NKAIN2: variants seen among roughly 807,000 people sequenced by gnomAD.
The protein encoded by NKAIN2 is sodium/potassium-transporting ATPase subunit beta-1-interacting protein 2.
A neutral mutation model predicts 32.6 loss-of-function variants in NKAIN2; 14 were observed. The ratio of observed to expected loss-of-function variants is 0.43; its 90% CI spans 0.28 to 0.67. The LOEUF (loss-of-function observed/expected upper bound fraction) is 0.67. Ranked by LOEUF, NKAIN2 falls within the 30% of genes least tolerant of loss-of-function variation. NKAIN2 has a pLI of 0.17. For missense variants in NKAIN2, 198 were observed against 258.3 expected, an observed-to-expected ratio of 0.77 and a Z score of 1.60; for synonymous variants, 80 against 87.2, an observed-to-expected ratio of 0.92 and a Z score of 0.46.
intron 1 of NKAIN2, among the ~76,000 whole-genome samples, chr6:124,081,714 A>G (rs896725881): frequency 1.3e-5 from 2 of 152,096 alleles, no homozygotes; most frequent in Non-Finnish European, 2.9e-5. Context: ...TTGGGAATCA[A>G]AATTCTGACT....
chr6:124,267,165 T>C (rs192007833), intron 1 of NKAIN2, among the ~76,000 whole-genome samples: 66 of 151,754 alleles, frequency 4.3e-4, no homozygotes, highest in African/African-American at 1.5e-3. Context: ...TAGAACCTGT[T>C]ACTCCTGCTG....
intron 4 of NKAIN2, among the ~76,000 whole-genome samples, chr6:124,727,752 C>T (rs1338459120): frequency 3.8e-5 from 5 of 133,232 alleles, no homozygotes; most frequent in Admixed American, 8.0e-5. Context: ...AATTAAAAGA[C>T]ACAGACTGGC....
chr6:124,137,723 A>G (rs1296496092), intron 1 of NKAIN2, among the ~76,000 whole-genome samples: 1 of 152,096 alleles, frequency 6.6e-6, no homozygotes, highest in Non-Finnish European at 1.5e-5. Flanking sequence ...TTTAAAGACA[A>G]CTGATCTTTG....
At chr6:124,263,461 G>C (rs150143655) in intron 1 of NKAIN2, among the ~76,000 whole-genome samples, 1 of 152,046 alleles carries the variant, frequency 6.6e-6, no homozygotes, top group African/African-American at 2.4e-5. Flanking sequence ...CTTGCTCTGC[G>C]GACACAAGCT....
chr6:124,113,788 C>A (rs1785491689), intron 1 of NKAIN2, among the ~76,000 whole-genome samples: 1 of 152,184 alleles, frequency 6.6e-6, no homozygotes, highest in African/African-American at 2.4e-5. Flanking sequence ...TCTCTGTCAG[C>A]TTCAGTGAGT....
chr6:124,691,503 G>C (rs1355762295), intron 4 of NKAIN2, among the ~76,000 whole-genome samples: 1 of 152,084 alleles, frequency 6.6e-6, no homozygotes. Context: ...GAGAATTCAG[G>C]CAAACTAAGG....
chr6:124,687,735 A>G (rs1397240980), intron 4 of NKAIN2, among the ~76,000 whole-genome samples: 2 of 51,044 alleles, frequency 3.9e-5, no homozygotes, highest in African/African-American at 1.4e-4. Context: ...ATAAATATAT[A>G]TGATATATAC....
rs991225120 is a variant in NKAIN2, at chr6:123,877,659, T to C, written c.54+73405T>C. Among the ~76,000 whole-genome samples the C allele has an allele frequency of 1.2e-4, 19 of 152,350 alleles. No homozygotes were observed. The South Asian group carries it at 3.1e-3, about 25-fold the overall frequency. On this transcript the variant is annotated intron_variant, in intron 1 of 6. Coordinates refer to ENST00000368417, the MANE Select transcript of NKAIN2 (RefSeq NM_001040214.3). ...TTTGTATGCTTTTATCTTTCAAGTCTGCCTCCTCCTGTTCCTGCCCCTGTT... is the reference window on the plus strand; with the variant it reads ...TTTGTATGCTTTTATCTTTCAAGTCCGCCTCCTCCTGTTCCTGCCCCTGTT...
intron 2 of NKAIN2, among the ~76,000 whole-genome samples, chr6:124,317,106 T>A (rs1392240330): frequency 4.0e-5 from 6 of 151,396 alleles, no homozygotes; most frequent in African/African-American, 1.5e-4. Context: ...AAGGCCAGCA[T>A]GGGCAACATA....
intron 1 of NKAIN2, among the ~76,000 whole-genome samples, chr6:123,831,933 C>A (rs182155525): frequency 6.6e-6 from 1 of 152,166 alleles, no homozygotes; most frequent in African/African-American, 2.4e-5. Context: ...GGATTACAGG[C>A]GTGAGCCACC....
intron 3 of NKAIN2, among the ~76,000 whole-genome samples, chr6:124,609,783 G>A (rs910206367): frequency 1.3e-5 from 2 of 151,966 alleles, no homozygotes; most frequent in South Asian, 2.1e-4. Context: ...AAAAGGTACC[G>A]TAAATAGACA....
intron 1 of NKAIN2, among the ~76,000 whole-genome samples, chr6:124,080,765 G>C (rs935103831): frequency 7.2e-5 from 11 of 152,006 alleles, no homozygotes; most frequent in African/African-American, 2.7e-4. Flanking sequence ...TTTATAGAAG[G>C]CCTTTTATAT....
intron 3 of NKAIN2, among the ~76,000 whole-genome samples, chr6:124,469,617 T>C (rs941127558): frequency 4.6e-5 from 7 of 152,190 alleles, no homozygotes; most frequent in African/African-American, 1.7e-4. Context: ...TATGAATGCA[T>C]TTAAACTGGA....
chr6:124,015,447 T>G (rs771945787), intron 1 of NKAIN2, among the ~76,000 whole-genome samples: 1 of 152,224 alleles, frequency 6.6e-6, no homozygotes, highest in Non-Finnish European at 1.5e-5. Flanking sequence ...TTCATTCTCT[T>G]AAGTCTTTAG....
At chr6:124,062,284 C>T (rs546140977) in intron 1 of NKAIN2, among the ~76,000 whole-genome samples, 124 of 151,938 alleles carry the variant, frequency 8.2e-4, no homozygotes, top group African/African-American at 2.9e-3. Flanking sequence ...TTATATAAAC[C>T]CCCAGTATAG....
intron 4 of NKAIN2, among the ~76,000 whole-genome samples, chr6:124,732,009 A>T (rs1248863188): frequency 6.6e-6 from 1 of 152,124 alleles, no homozygotes; most frequent in Non-Finnish European, 1.5e-5. Flanking sequence ...AGACTCTAAA[A>T]GCCTACTTTA....
intron 4 of NKAIN2, among the ~76,000 whole-genome samples, chr6:124,664,831 A>AT (rs1772703194): frequency 7.6e-6 from 1 of 131,850 alleles, no homozygotes; most frequent in Non-Finnish European, 1.6e-5. Context: ...AAAAAAAAAA[A>AT]TTTCAAGTTA....
intron 3 of NKAIN2, among the ~76,000 whole-genome samples, chr6:124,515,711 C>CCCTTCTTTCTTTCTTCTCGTTTTTAA (rs1562232425): frequency 1.5e-5 from 1 of 67,042 alleles, no homozygotes; most frequent in African/African-American, 5.4e-5. Flanking sequence ...TCTTCGCTTT[C>CCCTTCTTTCTTTCTTCTCGTTTTTAA]TCTCCGTCTC....
chr6:123,838,857 C>T (rs1047554176), intron 1 of NKAIN2, among the ~76,000 whole-genome samples: 2 of 152,186 alleles, frequency 1.3e-5, no homozygotes, highest in African/African-American at 4.8e-5. Context: ...AGGCAATTTA[C>T]CTCCTAAGGT....
Sources: gnomAD v4.1 joint callset for allele counts (sites outside exome capture counted in the v4.1 genomes callset) on GRCh38, gnomAD v4.1.1 for gene constraint, MANE v1.5 for transcripts, NCBI Gene and HGNC (gene_info 2026-07-23, HGNC 2026-07-21) for gene names.